LRRC38: variants seen among roughly 807,000 people sequenced by gnomAD.
The protein encoded by LRRC38 is leucine-rich repeat-containing protein 38.
In LRRC38, 5 loss-of-function variants were observed where a neutral mutation model predicts 16.4. The ratio of observed to expected loss-of-function variants is 0.31; its 90% CI spans 0.16 to 0.64. The LOEUF is 0.64. Ranked by LOEUF, LRRC38 falls within the 30% of genes least tolerant of loss-of-function variation. The pLI is 0.80. For missense variants in LRRC38, 341 were observed against 401.8 expected (o/e 0.85, Z 1.29); for synonymous variants, 191 against 190.2 (o/e 1.00, Z -0.04).
At chr1:13,486,162 C>T (rs148394034) in intron 1 of LRRC38, among the ~76,000 whole-genome samples, 2 of 152,290 alleles carry the variant, frequency 1.3e-5, no homozygotes, top group African/African-American at 4.8e-5. Flanking sequence ...TGGTCTCGAA[C>T]TCTTCTGGTA....
chr1:13,494,418 TCCATTTC>T (rs1639057027), intron 1 of LRRC38, among the ~76,000 whole-genome samples: 1 of 136,688 alleles, frequency 7.3e-6, no homozygotes, highest in South Asian at 2.3e-4. Flanking sequence ...TTTTTTTTTT[TCCATTTC>T]TTCCTTGCTA....
At chr1:13,508,855 C>A (rs1639241816) in intron 1 of LRRC38, among the ~76,000 whole-genome samples, 1 of 152,168 alleles carries the variant, frequency 6.6e-6, no homozygotes, top group Non-Finnish European at 1.5e-5. Flanking sequence ...CAGGCCCTCA[C>A]AGTGTCTGAC....
chr1:13,501,215 AAT>A (rs1324993906), intron 1 of LRRC38, among the ~76,000 whole-genome samples: 3 of 151,920 alleles, frequency 2.0e-5, no homozygotes, highest in Non-Finnish European at 4.4e-5. Context: ...AATATATATG[AAT>A]ATATACAGCA....
rs1638954951 is a variant in LRRC38, at chr1:13,487,814, C to A, written c.632-11715G>T. Among the ~76,000 whole-genome samples, 1 of 152,204 alleles carries A rather than the reference C, an allele frequency of 6.6e-6. No individual in the cohort carries two copies. The highest frequency in any genetic ancestry group is 1.5e-5 in the Non-Finnish European group (1 of 68,036). ...GCCTGCAGCCAGAGGATCTCTCAGG[C>A]CCTTTCCCCTGATCTGGCCTCCTGG... On this transcript the variant is annotated intron_variant, in intron 1 of 1. Coordinates refer to ENST00000376085, the MANE Select transcript of LRRC38 (RefSeq NM_001010847.2). This position sits in a 1 kb window ranked among gnomAD's most constrained non-coding sequence, Gnocchi z 4.4.
chr1:13,489,971 C>G (rs1638988183), intron 1 of LRRC38, among the ~76,000 whole-genome samples: 1 of 152,076 alleles, frequency 6.6e-6, no homozygotes, highest in Admixed American at 6.6e-5. Context: ...TAAAAGGGAC[C>G]CTGCACCAGG....
At chr1:13,499,951 A>T (rs547799827) in intron 1 of LRRC38, among the ~76,000 whole-genome samples, 1 of 152,250 alleles carries the variant, frequency 6.6e-6, no homozygotes, top group South Asian at 2.1e-4. Flanking sequence ...ATTCCTAAAT[A>T]AGATAGCTAC....
At chr1:13,494,765 C>T (rs36044644) in intron 1 of LRRC38, among the ~76,000 whole-genome samples, 8,657 of 152,236 alleles carry the variant, frequency 0.057, 405 homozygotes, top group East Asian at 0.15. Flanking sequence ...GTGCAAGTCA[C>T]TTGGTCTCTC....
At chr1:13,501,454 G>A (rs573564696) in intron 1 of LRRC38, among the ~76,000 whole-genome samples, 1 of 151,502 alleles carries the variant, frequency 6.6e-6, no homozygotes, top group East Asian at 1.9e-4. Context: ...TGTTGCCCAG[G>A]CTGGGGTGCA....
At chr1:13,486,096 G>C (rs1025412834) in intron 1 of LRRC38, among the ~76,000 whole-genome samples, 1 of 151,980 alleles carries the variant, frequency 6.6e-6, no homozygotes, top group African/African-American at 2.4e-5. Flanking sequence ...CCACCACCAC[G>C]CCCGGCTAAT....
rs1469919449 is a variant in LRRC38, at chr1:13,476,030, G to T, written c.701C>A (p.Ala234Asp). Reference protein sequence around the residue: ...RRISLRELSEASFSECRFSLS... With the variant: ...RRISLRELSEDSFSECRFSLS... Reference sequence around the variant, plus strand: ...GCTGAACCTACACTCGCTGAAGCTGGCCTCCGACAGCTCACGCAGGGATAT... The same window carrying T: ...GCTGAACCTACACTCGCTGAAGCTGTCCTCCGACAGCTCACGCAGGGATAT... Residue 234 changes from alanine to aspartate, a missense_variant, in exon 2 of 2, where the codon GCC becomes GAC. Physicochemically the swap from Ala to Asp is moderately radical, Grantham distance 126. Coordinates refer to ENST00000376085, the MANE Select transcript of LRRC38 (RefSeq NM_001010847.2). 3 of 1,550,372 alleles carry T rather than the reference G, an allele frequency of 1.9e-6. No individual in the cohort carries two copies. Among genetic ancestry groups the T allele is most frequent in the Non-Finnish European group, 2.6e-6 (3 of 1,146,950 alleles).
At chr1:13,484,028 CT>C (rs1638902360) in intron 1 of LRRC38, among the ~76,000 whole-genome samples, 1 of 152,078 alleles carries the variant, frequency 6.6e-6, no homozygotes, top group African/African-American at 2.4e-5. Context: ...AGTCATTCCT[CT>C]GCTCAACATC....
intron 1 of LRRC38, among the ~76,000 whole-genome samples, chr1:13,499,326 T>C (rs1340130569): frequency 6.6e-6 from 1 of 152,212 alleles, no homozygotes; most frequent in Non-Finnish European, 1.5e-5. Context: ...CTCAAACACC[T>C]GACCTCAAGT....
chr1:13,483,905 C>T (rs1208479541), intron 1 of LRRC38, among the ~76,000 whole-genome samples: 1 of 129,174 alleles, frequency 7.7e-6, no homozygotes, highest in African/African-American at 3.1e-5. Flanking sequence ...TCCAGAGAAA[C>T]AGAACCAACA....
At chr1:13,497,798 C>A (rs1324570930) in intron 1 of LRRC38, among the ~76,000 whole-genome samples, 2 of 151,750 alleles carry the variant, frequency 1.3e-5, no homozygotes, top group African/African-American at 4.8e-5. Flanking sequence ...CCCGTCTCTA[C>A]CAAAACTACA....
At chr1:13,484,847 C>G (rs1167330833) in intron 1 of LRRC38, among the ~76,000 whole-genome samples, 1 of 152,150 alleles carries the variant, frequency 6.6e-6, no homozygotes, top group Non-Finnish European at 1.5e-5. Context: ...GATCCTGGTT[C>G]GCAGATAAGC....
intron 1 of LRRC38, among the ~76,000 whole-genome samples, chr1:13,492,904 C>T (rs900614917): frequency 6.6e-6 from 1 of 152,098 alleles, no homozygotes; most frequent in African/African-American, 2.4e-5. Flanking sequence ...CTGCCGCTCC[C>T]CTCTCCCCCC....
At chr1:13,482,283 A>G (rs900355144) in intron 1 of LRRC38, among the ~76,000 whole-genome samples, 8 of 151,984 alleles carry the variant, frequency 5.3e-5, no homozygotes, top group African/African-American at 1.7e-4. Context: ...TAAAGGACAA[A>G]GTGCAAAGCC....
Position 13,487,120 on chromosome 1 carries a change from C to A in LRRC38, c.632-11021G>T, listed in dbSNP as rs1638944618. Among the ~76,000 whole-genome samples the A allele has an allele frequency of 1.3e-5, 2 of 152,210 alleles. No individual in the cohort carries two copies. The highest frequency in any genetic ancestry group is 2.9e-5 in the Non-Finnish European group (2 of 68,044). On this transcript the variant is annotated intron_variant, in intron 1 of 1. Coordinates refer to ENST00000376085, the MANE Select transcript of LRRC38 (RefSeq NM_001010847.2). This position sits in a 1 kb window ranked among gnomAD's most constrained non-coding sequence, Gnocchi z 4.4. ...TCTCTTCTGAGCCTGCTTCTCCAGG[C>A]TTCTCTTCAATTCTGTGAACTATCT... is the stretch of plus-strand genomic sequence containing the variant.
At chr1:13,512,921 GCCCCCCT>G in intron 1 of LRRC38, 35 bp downstream of exon 1, 1 of 1,246,174 alleles carries the variant, frequency 8.0e-7, no homozygotes, top group Non-Finnish European at 1.1e-6. Context: ...GCCTCTCCCT[GCCCCCCT>G]CCCTCCCTCC....
Sources: allele counts gnomAD v4.1 joint callset (sites outside exome capture counted in the v4.1 genomes callset), GRCh38; gene constraint gnomAD v4.1.1; non-coding constraint Gnocchi (gnomAD v3.1); transcripts MANE v1.5; gene names NCBI Gene and HGNC (gene_info 2026-07-23, HGNC 2026-07-21).